Variants in NRG1 observed in about 807,000 individuals in gnomAD.
NRG1 encodes the protein neuregulin 1.
In NRG1, 18 loss-of-function variants were observed where a neutral mutation model predicts 63.8. That is an observed-to-expected ratio of 0.28 (90% CI 0.19 to 0.42). The LOEUF (loss-of-function observed/expected upper bound fraction) is 0.42. NRG1 is among the 10% of genes least tolerant of loss of function. NRG1 has a pLI of 1.00. For missense variants in NRG1, 762 were observed against 814.7 expected, an observed-to-expected ratio of 0.94 and a Z score of 0.79; for synonymous variants, 302 against 301.3, an observed-to-expected ratio of 1.00 and a Z score of -0.02.
chr8:32,714,883 G>A (rs1818793124), intron 5 of NRG1, among the ~76,000 whole-genome samples: 1 of 152,198 alleles, frequency 6.6e-6, no homozygotes, highest in Admixed American at 6.5e-5. Flanking sequence ...ATGAGCTTCA[G>A]GCCAGACTCA....
intron 1 of NRG1, among the ~76,000 whole-genome samples, chr8:32,369,445 G>C (rs965156619): frequency 6.6e-6 from 1 of 152,216 alleles, no homozygotes; most frequent in African/African-American, 2.4e-5. Flanking sequence ...AAGTCACTGG[G>C]ATACTGTTCT....
intron 1 of NRG1, among the ~76,000 whole-genome samples, chr8:32,485,643 A>G (rs993490451): frequency 6.6e-6 from 1 of 152,224 alleles, no homozygotes; most frequent in Admixed American, 6.5e-5. Context: ...GAAATTAACT[A>G]CTAGTTTGTT....
upstream of NRG1, among the ~76,000 whole-genome samples, chr8:32,546,566 C>T (rs1833095713): frequency 6.6e-6 from 1 of 152,172 alleles, no homozygotes; most frequent in Non-Finnish European, 1.5e-5. Flanking sequence ...CAGACTCCAT[C>T]TTGCATACGT....
intron 1 of NRG1, among the ~76,000 whole-genome samples, chr8:32,443,732 T>C (rs1175795947): frequency 6.6e-6 from 1 of 152,196 alleles, no homozygotes; most frequent in African/African-American, 2.4e-5. Context: ...CAAGCCTTCC[T>C]AGATAGAAGC....
intron 1 of NRG1, among the ~76,000 whole-genome samples, chr8:31,905,209 A>C (rs75268555): frequency 0.012 from 1,865 of 152,162 alleles, 47 homozygotes; most frequent in African/African-American, 0.043. Flanking sequence ...TAATTCTGTA[A>C]AATTTCCTCT....
At chr8:32,664,666 A>G (rs554535506) in intron 5 of NRG1, among the ~76,000 whole-genome samples, 1 of 152,242 alleles carries the variant, frequency 6.6e-6, no homozygotes, top group Admixed American at 6.5e-5. Flanking sequence ...TGGTGATGAT[A>G]GTGACAATCT....
intron 1 of NRG1, among the ~76,000 whole-genome samples, chr8:31,677,750 C>T (rs1235902439): frequency 6.6e-6 from 1 of 152,178 alleles, no homozygotes; most frequent in African/African-American, 2.4e-5. Flanking sequence ...AAGTTGTCCT[C>T]AAATCCACTA....
At chr8:31,693,259 G>A (rs982613716) in intron 1 of NRG1, among the ~76,000 whole-genome samples, 15 of 152,126 alleles carry the variant, frequency 9.9e-5, no homozygotes, top group African/African-American at 3.1e-4. Context: ...CTTGATTTAC[G>A]ATAAGAAAAT....
At chr8:32,205,943 A>C (rs1844015376) in intron 1 of NRG1, among the ~76,000 whole-genome samples, 1 of 151,920 alleles carries the variant, frequency 6.6e-6, no homozygotes, top group Non-Finnish European at 1.5e-5. Flanking sequence ...TACAAAAAAA[A>C]AAAAAAAAAT....
intron 1 of NRG1, among the ~76,000 whole-genome samples, chr8:32,104,187 A>G (rs1415625997): frequency 6.6e-6 from 1 of 152,106 alleles, no homozygotes; most frequent in East Asian, 1.9e-4. Context: ...CTAGCCTCTT[A>G]CTCCTAGGCT....
chr8:31,899,911 C>T lies in NRG1; in HGVS notation c.37+260480C>T, dbSNP rs1337212813. On this transcript the variant is annotated intron_variant, in intron 1 of 10. Coordinates refer to the NRG1 transcript ENST00000519301. Reference sequence around the variant, plus strand: ...TACATTCTTTCTACTGACTGGTCATCGGTTTTTCTAAATCTTGGTCCTTTA... The same window carrying T: ...TACATTCTTTCTACTGACTGGTCATTGGTTTTTCTAAATCTTGGTCCTTTA... 4.6e-5 allele frequency among the ~76,000 whole-genome samples: 7 copies of T among 152,144 alleles called. No individual in the cohort carries two copies. The South Asian group carries it at 8.3e-4, about 18-fold the overall frequency.
chr8:31,764,577 A>G (rs1387955616), intron 1 of NRG1, among the ~76,000 whole-genome samples: 1 of 152,174 alleles, frequency 6.6e-6, no homozygotes, highest in Non-Finnish European at 1.5e-5. Flanking sequence ...TTCTCCTCAT[A>G]TGAATTTTAG....
At chr8:32,203,316 T>A (rs1446660772) in intron 1 of NRG1, among the ~76,000 whole-genome samples, 1 of 151,716 alleles carries the variant, frequency 6.6e-6, no homozygotes, top group Non-Finnish European at 1.5e-5. Context: ...GTGGAAGTTT[T>A]AGGAGTAAAT....
chr8:32,770,333 G>A (rs1241812971), downstream of NRG1, among the ~76,000 whole-genome samples: 4 of 152,114 alleles, frequency 2.6e-5, no homozygotes, highest in Admixed American at 6.6e-5. Context: ...GCTCAGGAAG[G>A]TTAAAATCTT....
At chr8:32,240,154 T>A (rs1368739823) in intron 1 of NRG1, among the ~76,000 whole-genome samples, 1 of 152,138 alleles carries the variant, frequency 6.6e-6, no homozygotes, top group Admixed American at 6.6e-5. Context: ...ACAACCCAAA[T>A]ATCCTTAGAT....
At chr8:32,192,485 A>G (rs1037943981) in intron 1 of NRG1, among the ~76,000 whole-genome samples, 3 of 152,188 alleles carry the variant, frequency 2.0e-5, no homozygotes, top group Admixed American at 6.5e-5. Flanking sequence ...AAATCAATGT[A>G]GGAAGAGAAA....
chr8:31,677,642 C>T (rs1194757781), intron 1 of NRG1, among the ~76,000 whole-genome samples: 1 of 152,078 alleles, frequency 6.6e-6, no homozygotes, highest in Non-Finnish European at 1.5e-5. Context: ...CCAACAAATC[C>T]ACAGTAAAAT....
At chr8:32,563,199 T>A (rs1836786416) in intron 1 of NRG1, among the ~76,000 whole-genome samples, 1 of 152,188 alleles carries the variant, frequency 6.6e-6, no homozygotes, top group South Asian at 2.1e-4. Flanking sequence ...TAATTCTTCT[T>A]CCAATGTGGC....
At chr8:32,714,855 AG>A (rs1818781155) in intron 5 of NRG1, among the ~76,000 whole-genome samples, 1 of 152,182 alleles carries the variant, frequency 6.6e-6, no homozygotes, top group Non-Finnish European at 1.5e-5. Flanking sequence ...TGGCAAGTAG[AG>A]TGTTAGCTCC....
Sources: gnomAD v4.1 joint callset for allele counts (sites outside exome capture counted in the v4.1 genomes callset) on GRCh38, gnomAD v4.1.1 for gene constraint, MANE v1.5 for transcripts, NCBI Gene and HGNC (gene_info 2026-07-23, HGNC 2026-07-21) for gene names.